HSD17B12: variants seen among roughly 807,000 people sequenced by gnomAD.
HSD17B12 encodes the protein very-long-chain 3-oxoacyl-CoA reductase.
A neutral mutation model predicts 39.3 loss-of-function variants in HSD17B12; 32 were observed. The ratio of observed to expected loss-of-function variants is 0.81; its 90% CI spans 0.61 to 1.09. The LOEUF (loss-of-function observed/expected upper bound fraction) is 1.09. HSD17B12 is among the 50% of genes least tolerant of loss of function. The pLI is 0.00. For synonymous variants in HSD17B12, 150 were observed against 146.7 expected (o/e 1.02, Z -0.16); for missense variants, 342 against 382.9 (o/e 0.89, Z 0.89).
At chr11:43,556,748 C>G in the HSD17B12 span, among the ~76,000 whole-genome samples, 1 of 145,788 alleles carries the variant, frequency 6.9e-6, no homozygotes, top group South Asian at 2.3e-4. Context: ...GCACTGAACG[C>G]GAACTGTTTT....
chr11:43,810,217 T>G (rs921132481), intron 4 of HSD17B12, among the ~76,000 whole-genome samples: 1 of 152,070 alleles, frequency 6.6e-6, no homozygotes, highest in East Asian at 1.9e-4. Context: ...ATGACATCAT[T>G]ATATCTCTAT....
the HSD17B12 span, among the ~76,000 whole-genome samples, chr11:43,639,758 C>T: frequency 6.6e-6 from 1 of 152,062 alleles, no homozygotes; most frequent in Admixed American, 6.6e-5. Flanking sequence ...AGTGTCTGTG[C>T]GTAGGAATTT....
At chr11:43,715,551 A>C in intron 1 of HSD17B12, among the ~76,000 whole-genome samples, 1 of 152,138 alleles carries the variant, frequency 6.6e-6, no homozygotes, top group Non-Finnish European at 1.5e-5. Context: ...GGATTTTTGC[A>C]TCAATGTTCA....
rs11037637 is a variant in HSD17B12 at position 43,786,701 on chromosome 11, A to G, written c.284-11619A>G. On this transcript the variant is annotated intron_variant, in intron 3 of 10. Transcript: ENST00000278353. ...ATTTCAAAATTTAAAAAACAACATG[A>G]CCTTTCAAATGTTGAAAACTGATAT... Among the ~76,000 whole-genome samples, 629 of 152,312 alleles carry G rather than the reference A, an allele frequency of 4.1e-3. 6 individuals carry two copies. The East Asian group carries it at 0.045, about 11-fold the overall frequency.
chr11:43,798,563 A>G, intron 4 of HSD17B12, 136 bp downstream of exon 4: 1 of 572,408 alleles, frequency 1.7e-6, no homozygotes, highest in East Asian at 3.0e-5. Context: ...GAATAATATC[A>G]CTAGGTGACA....
chr11:43,780,297 C>T (rs1950752013), intron 3 of HSD17B12, among the ~76,000 whole-genome samples: 1 of 152,172 alleles, frequency 6.6e-6, no homozygotes, highest in Non-Finnish European at 1.5e-5. Flanking sequence ...TCCCAAGTAG[C>T]TGGGATTACA....
At chr11:43,594,411 T>C in the HSD17B12 span, among the ~76,000 whole-genome samples, 2 of 151,928 alleles carry the variant, frequency 1.3e-5, no homozygotes, top group African/African-American at 2.4e-5. Context: ...GCATTCAATA[T>C]AGAAAAAAAA....
chr11:43,593,764 G>A, the HSD17B12 span, among the ~76,000 whole-genome samples: 3 of 151,692 alleles, frequency 2.0e-5, no homozygotes, highest in Admixed American at 1.3e-4. Context: ...AAAAATCCAG[G>A]ACAATTAAAG....
chr11:43,816,438 A>G (rs1174370718), intron 6 of HSD17B12, 47 bp downstream of exon 6: 43 of 1,468,320 alleles, frequency 2.9e-5, no homozygotes, highest in South Asian at 5.2e-5. Flanking sequence ...GGTTCCTTCT[A>G]TTCAAAAACA....
At chr11:43,822,328 G>A (rs1951190998) in intron 6 of HSD17B12, among the ~76,000 whole-genome samples, 1 of 152,072 alleles carries the variant, frequency 6.6e-6, no homozygotes. Flanking sequence ...AAGTCAACTT[G>A]AGATTTAATA....
intron 1 of HSD17B12, among the ~76,000 whole-genome samples, chr11:43,724,754 C>T (rs888061250): frequency 3.3e-5 from 5 of 152,012 alleles, no homozygotes; most frequent in African/African-American, 9.7e-5. Context: ...GTTAGGGTTT[C>T]GACTATGAAT....
At chr11:43,832,167 A>G (rs1951317607) in intron 7 of HSD17B12, among the ~76,000 whole-genome samples, 1 of 152,216 alleles carries the variant, frequency 6.6e-6, no homozygotes, top group African/African-American at 2.4e-5. Flanking sequence ...ATGGTCAGAT[A>G]TATAAATGGC....
At chr11:43,724,821 C>G (rs997014137) in intron 1 of HSD17B12, among the ~76,000 whole-genome samples, 1 of 152,110 alleles carries the variant, frequency 6.6e-6, no homozygotes, top group South Asian at 2.1e-4. Flanking sequence ...ATTCCAGATG[C>G]CTGAGTGACA....
At chr11:43,721,341 G>A (rs546863838) in intron 1 of HSD17B12, among the ~76,000 whole-genome samples, 1 of 152,156 alleles carries the variant, frequency 6.6e-6, no homozygotes, top group African/African-American at 2.4e-5. Flanking sequence ...CAGGCAGGCT[G>A]AGCCTCGTGG....
chr11:43,631,965 T>C, the HSD17B12 span, among the ~76,000 whole-genome samples: 1 of 152,050 alleles, frequency 6.6e-6, no homozygotes, highest in African/African-American at 2.4e-5. Flanking sequence ...GAGAGGGCTC[T>C]GGGGGCAGCT....
chr11:43,710,762 G>A lies in HSD17B12; in HGVS notation c.160+29775G>A, dbSNP rs747282854. Among the ~76,000 whole-genome samples, 12 of 152,136 alleles carry A rather than the reference G, an allele frequency of 7.9e-5. No individual in the cohort carries two copies. The South Asian group carries it at 2.5e-3, about 32-fold the overall frequency. ...TAAACCATATTTTGCCCTCCCAAGA[G>A]AGCCTAGAGCAAAAATACTTAGTTG... On this transcript the variant is annotated intron_variant, in intron 1 of 10. Coordinates refer to ENST00000278353, the MANE Select transcript of HSD17B12 (RefSeq NM_016142.3).
chr11:43,633,132 A>G, the HSD17B12 span, among the ~76,000 whole-genome samples: 1 of 152,194 alleles, frequency 6.6e-6, no homozygotes, highest in African/African-American at 2.4e-5. Context: ...GTAATTTCTC[A>G]TCTAAAAGGA....
chr11:43,855,114 T>C (rs1430204088), intron 10 of HSD17B12, 30 bp from the exon 11 acceptor site: 39 of 1,435,132 alleles, frequency 2.7e-5, no homozygotes, highest in Admixed American at 1.3e-4. Context: ...TAGGCTATAA[T>C]TACATATCTC....
intron 3 of HSD17B12, among the ~76,000 whole-genome samples, chr11:43,783,706 TG>T (rs1304954944): frequency 2.6e-5 from 4 of 152,074 alleles, no homozygotes; most frequent in Non-Finnish European, 2.9e-5. Context: ...TTGCTGAGAA[TG>T]ATGGTTTCCA....
Sources: gnomAD v4.1 joint callset for allele counts (sites outside exome capture counted in the v4.1 genomes callset) on GRCh38, gnomAD v4.1.1 for gene constraint, MANE v1.5 for transcripts, NCBI Gene and HGNC (gene_info 2026-07-23, HGNC 2026-07-21) for gene names.